PTPRN2: variants seen among roughly 807,000 people sequenced by gnomAD.
PTPRN2 encodes protein tyrosine phosphatase receptor type N2.
In PTPRN2, 74 loss-of-function variants were observed where a neutral mutation model predicts 118.8. The ratio of observed to expected loss-of-function variants is 0.62; its 90% CI spans 0.52 to 0.76. The LOEUF is 0.76. Ranked by LOEUF, PTPRN2 falls within the 30% of genes least tolerant of loss-of-function variation. PTPRN2 has a pLI of 0.00. For missense variants in PTPRN2, 1,481 were observed against 1,394.4 expected, an observed-to-expected ratio of 1.06 and a Z score of -0.99; for synonymous variants, 641 against 608.0, an observed-to-expected ratio of 1.05 and a Z score of -0.80.
chr7:158,083,830 C>T (rs1813033589), intron 10 of PTPRN2, among the ~76,000 whole-genome samples: 1 of 152,166 alleles, frequency 6.6e-6, no homozygotes, highest in Admixed American at 6.5e-5. Flanking sequence ...CCCTTGTGCT[C>T]TCAGGAACCC....
chr7:158,552,469 AGGCTGGAGTGCG>A (rs915065758), intron 1 of PTPRN2, among the ~76,000 whole-genome samples: 2 of 152,222 alleles, frequency 1.3e-5, no homozygotes, highest in African/African-American at 4.8e-5. Context: ...TCTGTAGCCT[AGGCTGGAGTGCG>A]GGCTGGAGTG....
chr7:157,857,044 CTTGGGCGCCAT>C (rs1052697588), intron 12 of PTPRN2, among the ~76,000 whole-genome samples: 71 of 120,840 alleles, frequency 5.9e-4, no homozygotes, highest in African/African-American at 1.8e-3. Flanking sequence ...GTGCCATCAG[CTTGGGCGCCAT>C]GAGTGGGAGT....
In PTPRN2 at chr7:158,123,389, G is replaced by A. The variant is rs535186251; in HGVS notation, c.1556+10288C>T. Among the ~76,000 whole-genome samples, 21 of 152,246 alleles carry A rather than the reference G, an allele frequency of 1.4e-4. 1 individual carries two copies. Among genetic ancestry groups the A allele is most frequent in the African/African-American group, 4.3e-4 (18 of 41,542 alleles). On this transcript the variant is annotated intron_variant, in intron 9 of 22. Transcript: ENST00000389418. ...TCCTACAGACACCACGGTGACCGAC[G>A]CCATGGTGACCGACGCCGCAGTGAC...
intron 3 of PTPRN2, among the ~76,000 whole-genome samples, chr7:158,240,618 A>C (rs1353746567): frequency 6.6e-6 from 1 of 152,112 alleles, no homozygotes; most frequent in Non-Finnish European, 1.5e-5. Flanking sequence ...TAGTAGAGAC[A>C]GGGTTTCACC....
At chr7:158,374,713 G>A (rs1219563393) in intron 2 of PTPRN2, among the ~76,000 whole-genome samples, 1 of 152,194 alleles carries the variant, frequency 6.6e-6, no homozygotes, top group African/African-American at 2.4e-5. Context: ...AGAATGCCCT[G>A]CGGAAATCCA....
At chr7:158,385,792 G>A (rs569324802) in intron 2 of PTPRN2, among the ~76,000 whole-genome samples, 5 of 152,212 alleles carry the variant, frequency 3.3e-5, no homozygotes, top group African/African-American at 7.2e-5. Flanking sequence ...GACCTTGTGC[G>A]TCTCTCCTGT....
chr7:158,061,597 G>A (rs546364593), intron 11 of PTPRN2, among the ~76,000 whole-genome samples: 20 of 152,338 alleles, frequency 1.3e-4, no homozygotes, highest in South Asian at 4.1e-4. Flanking sequence ...TGTGTCGTCC[G>A]TGAGCACACT....
At chr7:158,279,964 G>A (rs1032230427) in intron 3 of PTPRN2, among the ~76,000 whole-genome samples, 1 of 152,154 alleles carries the variant, frequency 6.6e-6, no homozygotes, top group African/African-American at 2.4e-5. Context: ...CGAGGTCTGT[G>A]CACTTAATCC....
At chr7:157,853,025 A>G (rs1560958) in intron 12 of PTPRN2, among the ~76,000 whole-genome samples, 28,579 of 152,100 alleles carry the variant, frequency 0.19, 2,948 homozygotes, top group East Asian at 0.31. Flanking sequence ...TGTGTGGACC[A>G]TGGGTGAATG....
Position 158,587,755 on chromosome 7 carries a change from G to T in PTPRN2, c.-86C>A. 11 of 1,059,274 alleles carry T rather than the reference G, an allele frequency of 1.0e-5. No individual in the cohort carries two copies. Among genetic ancestry groups the T allele is most frequent in the Non-Finnish European group, 1.3e-5 (11 of 879,976 alleles). 65.6% of individuals were successfully genotyped at this position (1,059,274 alleles called of 1,614,324 possible). A position where few individuals can be genotyped will look rare whatever the true frequency, so the allele number is the denominator to read the frequency against. ...CGAGTCCGGGCCCAGGGAGGCGCGC[G>T]CCGCCGGCTCCTCCCGCCGCGCCTC... On this transcript the variant is annotated 5_prime_UTR_variant, in exon 1 of 23. Transcript: ENST00000389418.
intron 1 of PTPRN2, among the ~76,000 whole-genome samples, chr7:158,502,564 T>A (rs1018369591): frequency 6.6e-6 from 1 of 152,188 alleles, no homozygotes; most frequent in Non-Finnish European, 1.5e-5. Context: ...CCGGCTGCAC[T>A]TGCCGAGTCC....
At chr7:158,139,489 G>A (rs978238953) in intron 6 of PTPRN2, among the ~76,000 whole-genome samples, 1 of 151,186 alleles carries the variant, frequency 6.6e-6, no homozygotes, top group Non-Finnish European at 1.5e-5. Context: ...AGTCAGGAGG[G>A]CACGGGGGGG....
Position 157,619,210 on chromosome 7 carries a change from C to T in PTPRN2, c.2344+2152G>A, listed in dbSNP as rs1467208084. Among the ~76,000 whole-genome samples the T allele has an allele frequency of 1.3e-5, 2 of 152,182 alleles. No individual in the cohort carries two copies. Among genetic ancestry groups the T allele is most frequent in the African/African-American group, 2.4e-5 (1 of 41,440 alleles). On this transcript the variant is annotated intron_variant, in intron 15 of 22. Coordinates refer to ENST00000389418, the MANE Select transcript of PTPRN2 (RefSeq NM_002847.5). This position sits in a 1 kb window ranked among gnomAD's most constrained non-coding sequence, Gnocchi z 5.3. ...AACCCCATCGGCAGGTCGTTTCTGCCACGCTCCGGGCTGTCTTTGGGGAGG... is the reference window on the plus strand; with the variant it reads ...AACCCCATCGGCAGGTCGTTTCTGCTACGCTCCGGGCTGTCTTTGGGGAGG...
chr7:157,751,681 G>T (rs1381872324), intron 12 of PTPRN2, among the ~76,000 whole-genome samples: 1 of 152,012 alleles, frequency 6.6e-6, no homozygotes, highest in Non-Finnish European at 1.5e-5. Flanking sequence ...GCTGACACGC[G>T]GTGGAAAGCC....
intron 6 of PTPRN2, among the ~76,000 whole-genome samples, chr7:158,140,278 G>T (rs1819250197): frequency 6.6e-6 from 1 of 152,214 alleles, no homozygotes; most frequent in Admixed American, 6.5e-5. Context: ...TGTTTCAAAG[G>T]CGCCAGGGCG....
chr7:158,115,031 C>T (rs1816617795), intron 9 of PTPRN2, among the ~76,000 whole-genome samples: 1 of 152,172 alleles, frequency 6.6e-6, no homozygotes, highest in South Asian at 2.1e-4. Context: ...GGCAAGGGCA[C>T]TGTCCCACTC....
chr7:158,035,004 A>G (rs1197053005), intron 11 of PTPRN2, among the ~76,000 whole-genome samples: 1 of 152,244 alleles, frequency 6.6e-6, no homozygotes, highest in Non-Finnish European at 1.5e-5. Flanking sequence ...GCTGGGATCA[A>G]TTTAGTAAAT....
At position 158,533,720 on chromosome 7, in the gene PTPRN2, C is replaced by T. The variant is rs147896926; in HGVS notation, c.113-43935G>A. 1.3e-3 allele frequency among the ~76,000 whole-genome samples: 201 copies of T among 152,358 alleles called. 1 individual carries two copies. Among genetic ancestry groups the T allele is most frequent in the African/African-American group, 4.6e-3 (190 of 41,586 alleles). ...CAATCGATGAAGCTCTCACCTATAA[C>T]GGACATCCTTTCGCCACCACACAGC... On this transcript the variant is annotated intron_variant, in intron 1 of 22. Transcript: ENST00000389418.
intron 11 of PTPRN2, among the ~76,000 whole-genome samples, chr7:157,948,474 A>C (rs10263516): frequency 0.52 from 79,397 of 151,898 alleles, 21,624 homozygotes; most frequent in East Asian, 0.66. Context: ...ATGAGAAGGG[A>C]ATCAAAACAG....
Sources: gnomAD v4.1 joint callset for allele counts (sites outside exome capture counted in the v4.1 genomes callset) on GRCh38, gnomAD v4.1.1 for gene constraint, Gnocchi (gnomAD v3.1) non-coding constraint, MANE v1.5 for transcripts, NCBI Gene and HGNC (gene_info 2026-07-23, HGNC 2026-07-21) for gene names.